Variants in C11orf65 observed in about 807,000 individuals in gnomAD.
C11orf65 encodes chromosome 11 open reading frame 65.
In C11orf65, 38 loss-of-function variants were observed where a neutral mutation model predicts 35.3. The observed-to-expected ratio is 1.08, with a 90% CI of 0.83 to 1.41. C11orf65 has a LOEUF of 1.41. Among genes scored for constraint, C11orf65 ranks in the 40% most tolerant of loss-of-function variants. The pLI is 0.00. For missense variants in C11orf65, 370 were observed against 367.1 expected (o/e 1.01, Z -0.06); for synonymous variants, 105 against 114.4 (o/e 0.92, Z 0.53).
intron 2 of C11orf65, among the ~76,000 whole-genome samples, chr11:108,350,896 G>C (rs2089121819): frequency 6.6e-6 from 1 of 152,102 alleles, no homozygotes; most frequent in African/African-American, 2.4e-5. Context: ...CACTAAAGCT[G>C]ACTTTATGTA....
At position 108,325,186 on chromosome 11, in the gene C11orf65, T is replaced by A. The variant is rs4988102; in HGVS notation, c.641-16115A>T. 1,526 of 673,500 alleles carry A rather than the reference T, an allele frequency of 2.3e-3. 18 individuals carry two copies. In the African/African-American group the frequency reaches 0.023, roughly 10 times the overall value. 41.7% of individuals were successfully genotyped at this position (673,500 alleles called of 1,614,324 possible). Reference sequence around the variant, plus strand: ...TAGGATTATTTACAAGTTCTAGTCTTGTCACTACAAAAGTTCCTTTGTATT... The same window carrying A: ...TAGGATTATTTACAAGTTCTAGTCTAGTCACTACAAAAGTTCCTTTGTATT... On this transcript the variant is annotated intron_variant, in intron 6 of 6. Coordinates refer to the C11orf65 transcript ENST00000525729.
At chr11:108,403,409 G>GTTTTTTTTTTTTTTTTTTT (rs71047691) in intron 6 of C11orf65, among the ~76,000 whole-genome samples, 27 of 67,298 alleles carry the variant, frequency 4.0e-4, no homozygotes, top group African/African-American at 6.8e-4. Flanking sequence ...TGTTTGAGAG[G>GTTTTTTTTTTTTTTTTTTT]TTTTTTTTTT....
chr11:108,373,921 T>C (rs1467107022), intron 2 of C11orf65, among the ~76,000 whole-genome samples: 5 of 152,208 alleles, frequency 3.3e-5, no homozygotes, highest in South Asian at 2.1e-4. Context: ...TCTTGCTGAT[T>C]GCTAGCACAG....
In C11orf65 at chr11:108,382,860, T is replaced by C; in HGVS notation, c.*161A>G. 1.4e-6 allele frequency: 2 copies of C among 1,468,794 alleles called. No homozygotes were observed. Among genetic ancestry groups the C allele is most frequent in the Non-Finnish European group, 1.8e-6 (2 of 1,119,372 alleles). The allele number at this position is 1,468,794 out of a possible 1,614,324, so 91.0% of individuals were successfully genotyped here. ...TATTTGCCATGATCATTGTATTCAG[T>C]CCAGTGTTCTATTTCTGCTCAATCT... On this transcript the variant is annotated 3_prime_UTR_variant, in exon 9 of 9. Transcript: ENST00000393084.
chr11:108,407,485 A>ATTT (rs375638984), intron 3 of C11orf65, among the ~76,000 whole-genome samples: 10 of 137,114 alleles, frequency 7.3e-5, no homozygotes, highest in Non-Finnish European at 9.4e-5. Context: ...CTAATTTTGT[A>ATTT]TTTTTTTTTT....
rs1187785464 is a variant in C11orf65, at chr11:108,332,706, A to T, written c.300-1139T>A. ...TTTTCTCTTTGTTTTTCTAACTCTG[A>T]GAAGTTTAAATGTTGGGTAGTTCCT... On this transcript the variant is annotated intron_variant, in intron 3 of 3. Coordinates refer to the C11orf65 transcript ENST00000524755. 10 of 1,566,254 alleles carry T rather than the reference A, an allele frequency of 6.4e-6. No homozygotes were observed. The East Asian group carries it at 2.2e-4, about 35-fold the overall frequency.
At chr11:108,426,523 T>C (rs2092904726) in intron 3 of C11orf65, among the ~76,000 whole-genome samples, 1 of 152,094 alleles carries the variant, frequency 6.6e-6, no homozygotes, top group East Asian at 1.9e-4. Flanking sequence ...GGAAAAACAT[T>C]CCATGCTCAT....
downstream of C11orf65, among the ~76,000 whole-genome samples, chr11:108,329,674 G>A (rs1333343357): frequency 1.3e-5 from 2 of 152,200 alleles, no homozygotes; most frequent in Non-Finnish European, 2.9e-5. Context: ...GCCGCCCAAA[G>A]TGCTGGGATT....
Position 108,375,956 on chromosome 11 carries a change from A to C in C11orf65, c.226+17252T>G, listed in dbSNP as rs1047491694. On this transcript the variant is annotated intron_variant, in intron 2 of 3. Coordinates refer to the C11orf65 transcript ENST00000524755. The stretch of plus-strand genomic sequence containing the variant: ...GCTAACTATCCTACATATATATGCA[A>C]CCAATACAGGAGCACCCAGATTCAT... Among the ~76,000 whole-genome samples, 96 of 152,300 alleles carry C rather than the reference A, an allele frequency of 6.3e-4. 1 individual carries two copies. Among genetic ancestry groups the C allele is most frequent in the African/African-American group, 2.1e-3 (87 of 41,558 alleles).
intron 6 of C11orf65, among the ~76,000 whole-genome samples, chr11:108,310,807 C>G (rs1386874711): frequency 6.6e-6 from 1 of 152,154 alleles, no homozygotes; most frequent in Non-Finnish European, 1.5e-5. Context: ...TCTTTATCTA[C>G]CTATATTTCT....
intron 8 of C11orf65, among the ~76,000 whole-genome samples, chr11:108,384,430 ATTC>A (rs1261978294): frequency 1.3e-5 from 2 of 152,138 alleles, no homozygotes; most frequent in African/African-American, 4.8e-5. Flanking sequence ...TACTACCGTT[ATTC>A]TTCTTTTACT....
chr11:108,360,564 C>T (rs1388814441), intron 2 of C11orf65, among the ~76,000 whole-genome samples: 18 of 141,444 alleles, frequency 1.3e-4, no homozygotes, highest in African/African-American at 3.2e-4. Flanking sequence ...ACTGGCAAAA[C>T]GAATCCAGCA....
chr11:108,460,210 G>A (rs541972514), intron 2 of C11orf65, among the ~76,000 whole-genome samples: 8 of 152,098 alleles, frequency 5.3e-5, no homozygotes, highest in Non-Finnish European at 1.0e-4. Flanking sequence ...TTACAAAATG[G>A]GATTAACTGA....
chr11:108,365,869 A>C, intron 2 of C11orf65: 1 of 221,844 alleles, frequency 4.5e-6, no homozygotes, highest in Non-Finnish European at 9.2e-6. Context: ...TCTCTACTAA[A>C]AATACAAAAA....
At chr11:108,443,389 C>T (rs2093192040) in intron 2 of C11orf65, among the ~76,000 whole-genome samples, 2 of 152,236 alleles carry the variant, frequency 1.3e-5, no homozygotes, top group South Asian at 4.1e-4. Flanking sequence ...GACTTTAACA[C>T]CCCACTGTCA....
intron 2 of C11orf65, chr11:108,335,879 AAC>A: frequency 6.2e-7 from 1 of 1,614,092 alleles, no homozygotes; most frequent in Non-Finnish European, 8.5e-7. Context: ...GCTGTCATGC[AAC>A]AGGTCTTCCA....
chr11:108,445,205 C>T (rs375819281), intron 2 of C11orf65, among the ~76,000 whole-genome samples: 1 of 152,196 alleles, frequency 6.6e-6, no homozygotes, highest in Admixed American at 6.5e-5. Flanking sequence ...AAAAAGACAG[C>T]AGTAACCTCT....
At position 108,331,906 on chromosome 11, in the gene C11orf65, C is replaced by A. The variant is rs1555124475; in HGVS notation, c.300-339G>T. On this transcript the variant is annotated intron_variant, in intron 3 of 3. Coordinates refer to the C11orf65 transcript ENST00000524755. Reference sequence around the variant, plus strand: ...AATCTCTAGAATTTCAATGGATCACCCCCATCACACTTTGTTTATTATACT... The same window carrying A: ...AATCTCTAGAATTTCAATGGATCACACCCATCACACTTTGTTTATTATACT... 6.2e-7 allele frequency: 1 copy of A among 1,613,732 alleles called. No individual in the cohort carries two copies. Among genetic ancestry groups the A allele is most frequent in the Non-Finnish European group, 8.5e-7 (1 of 1,179,806 alleles).
chr11:108,384,398 A>T (rs763214542), intron 8 of C11orf65, among the ~76,000 whole-genome samples: 1 of 152,154 alleles, frequency 6.6e-6, no homozygotes, highest in South Asian at 2.1e-4. Context: ...TTATCTCATT[A>T]TCTCACAACC....
Sources: allele counts gnomAD v4.1 joint callset (sites outside exome capture counted in the v4.1 genomes callset), GRCh38; gene constraint gnomAD v4.1.1; transcripts MANE v1.5; gene names NCBI Gene and HGNC (gene_info 2026-07-23, HGNC 2026-07-21).